Variants in APMAP observed in about 807,000 individuals in gnomAD.
The protein encoded by APMAP is adipocyte plasma membrane-associated protein.
A neutral mutation model predicts 43.6 loss-of-function variants in APMAP; 33 were observed. The observed-to-expected ratio is 0.76, with a 90% CI of 0.57 to 1.01. APMAP has a LOEUF of 1.01. Ranked by LOEUF, APMAP falls within the 50% of genes least tolerant of loss-of-function variation. The pLI is 0.00. For missense variants in APMAP, 498 were observed against 540.7 expected, an observed-to-expected ratio of 0.92 and a Z score of 0.78; for synonymous variants, 224 against 216.7, an observed-to-expected ratio of 1.03 and a Z score of -0.30.
chr20:24,968,992 C>T lies in APMAP; in HGVS notation c.941G>A (p.Gly314Glu), dbSNP rs1378096631. The change falls in exon 8 of 9, where the codon GGG becomes GAG. Residue 314 changes from glycine (G) to glutamate (E), a missense_variant. By Grantham distance (98) the Gly-to-Glu change is moderately conservative. Coordinates refer to ENST00000217456, the MANE Select transcript of APMAP (RefSeq NM_020531.3). Reference protein sequence around the residue: ...FPDNIRPSSSGGYWVGMSTIR... With the variant: ...FPDNIRPSSSEGYWVGMSTIR... ...GGTCGACATGCCCACCCAGTACCCCCCAGAGCTGCTGGGCCGGATGTTGTC... is the reference window on the plus strand; with the variant it reads ...GGTCGACATGCCCACCCAGTACCCCTCAGAGCTGCTGGGCCGGATGTTGTC... 1 of 1,614,066 alleles carries T rather than the reference C, an allele frequency of 6.2e-7. No individual in the cohort carries two copies. The highest frequency in any genetic ancestry group is 8.5e-7 in the Non-Finnish European group (1 of 1,180,006).
chr20:24,964,332 G>T (rs770731621), intron 8 of APMAP: 1 of 550,964 alleles, frequency 1.8e-6, no homozygotes, highest in South Asian at 1.5e-5. Context: ...CATCCGACGT[G>T]GTCACAGCAC....
chr20:24,978,689 C>T (rs2122511289), intron 3 of APMAP, 78 bp downstream of exon 3: 1 of 1,155,056 alleles, frequency 8.7e-7, no homozygotes, highest in South Asian at 1.3e-5. Context: ...CGTGCCACTG[C>T]AGCTGCTCCC....
In APMAP at chr20:24,983,779, A is replaced by G. The variant is rs138821068; in HGVS notation, c.212+124T>C. On this transcript the variant is annotated intron_variant, in intron 2 of 8. Coordinates refer to ENST00000217456, the MANE Select transcript of APMAP (RefSeq NM_020531.3). ...ACCCAGGTACTAAAGAAATCACAAAACTCTATTTCTCCTAACTTACCTTTC... is the reference window on the plus strand; with the variant it reads ...ACCCAGGTACTAAAGAAATCACAAAGCTCTATTTCTCCTAACTTACCTTTC... 1,849 of 629,646 alleles carry G rather than the reference A, an allele frequency of 2.9e-3. 18 individuals carry two copies. In the African/African-American group the frequency reaches 0.03, roughly 10 times the overall value. The allele number at this position is 629,646 out of a possible 1,614,324, so 39.0% of individuals were successfully genotyped here. A position where few individuals can be genotyped will look rare whatever the true frequency, so the allele number is the denominator to read the frequency against.
chr20:24,984,815 T>A (rs569846613), intron 1 of APMAP, among the ~76,000 whole-genome samples: 2 of 152,352 alleles, frequency 1.3e-5, no homozygotes, highest in Non-Finnish European at 1.5e-5. Context: ...GTGAAAGCAT[T>A]TGGCCTCTTG....
chr20:24,987,075 G>A (rs1414953791), intron 1 of APMAP, among the ~76,000 whole-genome samples: 1 of 152,158 alleles, frequency 6.6e-6, no homozygotes, highest in Non-Finnish European at 1.5e-5. Flanking sequence ...CCTTTTACCA[G>A]TTGATTATGT....
chr20:24,974,851 A>G (rs1281771776), intron 3 of APMAP, among the ~76,000 whole-genome samples: 1 of 152,220 alleles, frequency 6.6e-6, no homozygotes, highest in African/African-American at 2.4e-5. Context: ...GTGAGGCAAA[A>G]ACTGATGAAA....
chr20:24,992,629 G>C lies in APMAP; in HGVS notation c.60C>G (p.Asp20Glu), dbSNP rs1272343893. The change falls in exon 1 of 9, where the codon GAC (aspartate) becomes GAG (glutamate). Residue 20 changes from aspartate (D) to glutamate (E), a missense_variant. Transcript: ENST00000217456. The part of the protein sequence containing the change: ...RRPLRPQVVT[D>E]DDGQAPEAKD... ...TAGCCTCCGGGGCCTGGCCATCATC[G>C]TCTGTGACGACCTGCGGCCGCAGGG... 2 of 1,571,404 alleles carry C rather than the reference G, an allele frequency of 1.3e-6. No individual in the cohort carries two copies. The highest frequency in any genetic ancestry group is 1.7e-6 in the Non-Finnish European group (2 of 1,159,642).
chr20:24,971,700 T>C (rs1176589552), intron 4 of APMAP, 124 bp from the exon 5 acceptor site: 3 of 830,956 alleles, frequency 3.6e-6, no homozygotes, highest in Non-Finnish European at 6.0e-6. Flanking sequence ...GACAAGACCA[T>C]GGCATTAGAG....
At chr20:24,973,074 T>C (rs148386461) in intron 4 of APMAP, among the ~76,000 whole-genome samples, 1 of 152,340 alleles carries the variant, frequency 6.6e-6, no homozygotes, top group African/African-American at 2.4e-5. Flanking sequence ...CTTTGTACCT[T>C]TGTGTTGTTT....
intron 1 of APMAP, among the ~76,000 whole-genome samples, chr20:24,986,435 G>C (rs889642332): frequency 2.6e-5 from 4 of 152,202 alleles, no homozygotes; most frequent in African/African-American, 9.6e-5. Context: ...GAAGGGGAAA[G>C]TCAGGTCAAC....
chr20:24,992,634 T>C lies in APMAP; in HGVS notation c.55A>G (p.Thr19Ala). 1 of 1,571,830 alleles carries C rather than the reference T, an allele frequency of 6.4e-7. No homozygotes were observed. The highest frequency in any genetic ancestry group is 1.2e-5 in the South Asian group (1 of 85,830). Reference protein sequence around the residue: ...QRRPLRPQVVTDDDGQAPEAK... With the variant: ...QRRPLRPQVVADDDGQAPEAK... ...TCCGGGGCCTGGCCATCATCGTCTG[T>C]GACGACCTGCGGCCGCAGGGGCCGG... The change falls in exon 1 of 9, where the codon ACA becomes GCA. Residue 19 changes from threonine (T) to alanine (A), a missense_variant. Physicochemically the swap from Thr to Ala is moderately conservative, Grantham distance 58. Coordinates refer to ENST00000217456, the MANE Select transcript of APMAP (RefSeq NM_020531.3).
Position 24,968,985 on chromosome 20 carries a change from G to A in APMAP, c.948C>T (p.Tyr316=), listed in dbSNP as rs368430446. 5 of 1,613,742 alleles carry A rather than the reference G, an allele frequency of 3.1e-6. No individual in the cohort carries two copies. The highest frequency in any genetic ancestry group is 4.2e-6 in the Non-Finnish European group (5 of 1,179,966). Residue 316 remains tyrosine, a synonymous_variant, in exon 8 of 9, where the codon TAC becomes TAT. Transcript: ENST00000217456. ...GGCGGATGGTCGACATGCCCACCCA[G>A]TACCCCCCAGAGCTGCTGGGCCGGA... ...DNIRPSSSGG[Y]WVGMSTIRPN...
chr20:24,972,274 G>A (rs1324221361), intron 4 of APMAP, among the ~76,000 whole-genome samples: 1 of 144,482 alleles, frequency 6.9e-6, no homozygotes, highest in African/African-American at 2.6e-5. Flanking sequence ...ATTGCAGGGT[G>A]TTATTGCAGG....
intron 5 of APMAP, 96 bp from the exon 6 acceptor site, chr20:24,970,467 C>G: frequency 9.0e-7 from 1 of 1,106,692 alleles, no homozygotes; most frequent in East Asian, 2.5e-5. Context: ...AAAAGAAAAA[C>G]TGAAACTTCT....
rs1238458300 is a variant in APMAP, at chr20:24,969,625, T to C, written c.749A>G (p.Lys250Arg). Reference sequence around the variant, plus strand: ...GAACCGCAGCTGGTCCAATAAAACTTTTACTTCCCTGGTCACAGTATCATA... The same window carrying C: ...GAACCGCAGCTGGTCCAATAAAACTCTTACTTCCCTGGTCACAGTATCATA... ...LEYDTVTREV[K>R]VLLDQLRFPN... The change falls in exon 7 of 9, where the codon AAA becomes AGA. Residue 250 changes from lysine to arginine, a missense_variant. Lys to Arg is a conservative substitution (Grantham distance 26). Coordinates refer to ENST00000217456, the MANE Select transcript of APMAP (RefSeq NM_020531.3). 6.2e-7 allele frequency: 1 copy of C among 1,613,846 alleles called. No homozygotes were observed. Among genetic ancestry groups the C allele is most frequent in the Non-Finnish European group, 8.5e-7 (1 of 1,179,890 alleles).
chr20:24,970,294 T>C lies in APMAP; in HGVS notation c.616A>G (p.Thr206Ala). Residue 206 changes from threonine to alanine, a missense_variant, in exon 6 of 9, where the codon ACT (threonine) becomes GCT (alanine). Coordinates refer to ENST00000217456, the MANE Select transcript of APMAP (RefSeq NM_020531.3). ...NMSFVNDLTV[T>A]QDGRKIYFTD... Reference sequence around the variant, plus strand: ...AAATAAATCTTCCTCCCATCCTGAGTGACTGTAAGATCATTCACAAAGGAC... The same window carrying C: ...AAATAAATCTTCCTCCCATCCTGAGCGACTGTAAGATCATTCACAAAGGAC... The C allele has an allele frequency of 1.2e-6, 2 of 1,614,096 alleles. No homozygotes were observed. The highest frequency in any genetic ancestry group is 1.7e-6 in the Non-Finnish European group (2 of 1,180,010).
intron 2 of APMAP, among the ~76,000 whole-genome samples, 169 bp from the exon 3 acceptor site, chr20:24,979,051 A>G (rs570408477): frequency 6.6e-6 from 1 of 151,550 alleles, no homozygotes; most frequent in African/African-American, 2.5e-5. Flanking sequence ...ATCAGAAAAC[A>G]TCATGGTACA....
chr20:24,990,919 T>A (rs1439423166), intron 1 of APMAP, among the ~76,000 whole-genome samples: 1 of 152,050 alleles, frequency 6.6e-6, no homozygotes. Context: ...ACAGGAACAA[T>A]GTTCATGGAC....
intron 5 of APMAP, 127 bp from the exon 6 acceptor site, chr20:24,970,498 T>C: frequency 1.1e-6 from 1 of 883,242 alleles, no homozygotes; most frequent in Non-Finnish European, 1.7e-6. Flanking sequence ...TGTCAGAAGA[T>C]TTATTCCTTC....
Sources: gnomAD v4.1 joint callset for allele counts (sites outside exome capture counted in the v4.1 genomes callset) on GRCh38, gnomAD v4.1.1 for gene constraint, MANE v1.5 for transcripts, NCBI Gene and HGNC (gene_info 2026-07-23, HGNC 2026-07-21) for gene names.